The following HMGN4 variants were observed in gnomAD, a reference collection of about 807,000 sequenced individuals.
HMGN4 encodes the protein high mobility group nucleosome-binding domain-containing protein 4.
For missense variants in HMGN4, 69 were observed against 104.9 expected (o/e 0.66, Z 1.49); for synonymous variants, 39 against 39.1 (o/e 1.00, Z 0.01).
chr6:26,543,507 C>T (rs756937348), intron 1 of HMGN4, among the ~76,000 whole-genome samples: 4 of 136,892 alleles, frequency 2.9e-5, no homozygotes, highest in African/African-American at 5.5e-5. Context: ...CTGCAACCTC[C>T]GCCTCCCAGG....
rs909082137 is a variant in HMGN4, at chr6:26,546,319, T to G, written c.*840T>G. ...CTGCCTTGTGGAAATTTTATAGTTT[T>G]GCCTTTCACATTTGTCTTTAGTCTG... On this transcript the variant is annotated 3_prime_UTR_variant, in exon 2 of 2. Coordinates refer to ENST00000377575, the MANE Select transcript of HMGN4 (RefSeq NM_006353.3). 3.0e-5 allele frequency: 5 copies of G among 167,114 alleles called. No homozygotes were observed. The highest frequency in any genetic ancestry group is 2.6e-4 in the Admixed American group (4 of 15,292). The allele number at this position is 167,114 out of a possible 1,614,324, so 10.4% of individuals were successfully genotyped here.
chr6:26,542,247 A>C lies in HMGN4; in HGVS notation c.-80-2880A>C, dbSNP rs190742154. On this transcript the variant is annotated intron_variant, in intron 1 of 1. Transcript: ENST00000377575. This position sits in a 1 kb window ranked among gnomAD's most constrained non-coding sequence, Gnocchi z 4.6. ...TCAGAGCAATTTTTGGTTTACAGAA[A>C]ATTGAGCAGAAGATACAGAGTTCCC... is the stretch of plus-strand genomic sequence containing the variant. Among the ~76,000 whole-genome samples the C allele has an allele frequency of 6.0e-4, 91 of 152,288 alleles. No homozygotes were observed. The highest frequency in any genetic ancestry group is 2.1e-3 in the African/African-American group (88 of 41,546).
chr6:26,544,674 G>GGC (rs574730577), intron 1 of HMGN4, among the ~76,000 whole-genome samples: 75 of 152,194 alleles, frequency 4.9e-4, no homozygotes, highest in South Asian at 8.3e-4. Flanking sequence ...TACACTAATT[G>GGC]GCACACACAC....
At chr6:26,543,723 T>C (rs1764315337) in intron 1 of HMGN4, among the ~76,000 whole-genome samples, 1 of 125,462 alleles carries the variant, frequency 8.0e-6, no homozygotes, top group Non-Finnish European at 1.6e-5. Context: ...ATCGCACCAC[T>C]GCACTCCAGC....
intron 1 of HMGN4, 46 bp from the exon 2 acceptor site, chr6:26,545,081 G>T: frequency 2.9e-6 from 2 of 699,814 alleles, no homozygotes. Flanking sequence ...GTTTACATTC[G>T]TCAGTCTTTC....
chr6:26,539,905 A>G (rs1764269057), intron 1 of HMGN4: 1 of 152,208 alleles, frequency 6.6e-6, no homozygotes, highest in African/African-American at 2.4e-5. Flanking sequence ...ACTCAGAAAT[A>G]TAAGCAAGTT....
intron 1 of HMGN4, among the ~76,000 whole-genome samples, chr6:26,544,734 T>C (rs1764328107): frequency 1.3e-5 from 2 of 152,244 alleles, no homozygotes; most frequent in Non-Finnish European, 2.9e-5. Context: ...GAGCCCTTGA[T>C]ATTGTCAGAC....
Position 26,546,862 on chromosome 6 carries a change from A to C in HMGN4, c.*1383A>C, listed in dbSNP as rs149082500. On this transcript the variant is annotated 3_prime_UTR_variant, in exon 2 of 2. Transcript: ENST00000377575. ...TCTTTACAATGTTGTCTTCCAATACATGAATATGGTACAGCTCTTCATTTA... is the reference window on the plus strand; with the variant it reads ...TCTTTACAATGTTGTCTTCCAATACCTGAATATGGTACAGCTCTTCATTTA... Among the ~76,000 whole-genome samples, 1 of 152,244 alleles carries C rather than the reference A, an allele frequency of 6.6e-6. No individual in the cohort carries two copies. The highest frequency in any genetic ancestry group is 6.5e-5 in the Admixed American group (1 of 15,286).
chr6:26,543,988 C>CA, intron 1 of HMGN4, among the ~76,000 whole-genome samples: 1 of 152,200 alleles, frequency 6.6e-6, no homozygotes, highest in Non-Finnish European at 1.5e-5. Context: ...TACTCAAACT[C>CA]AAACTATTTT....
rs563541583 is a variant in HMGN4, at chr6:26,542,650, G to T, written c.-80-2477G>T. ...CATCTCTCTGGTCCCTTTTCATTAT[G>T]TGTGTATCTGTCTCCCACATTTGTA... On this transcript the variant is annotated intron_variant, in intron 1 of 1. Coordinates refer to ENST00000377575, the MANE Select transcript of HMGN4 (RefSeq NM_006353.3). This position sits in a 1 kb window ranked among gnomAD's most constrained non-coding sequence, Gnocchi z 4.6. 6.6e-6 allele frequency among the ~76,000 whole-genome samples: 1 copy of T among 152,280 alleles called. No individual in the cohort carries two copies. Among genetic ancestry groups the T allele is most frequent in the South Asian group, 2.1e-4 (1 of 4,824 alleles).
intron 1 of HMGN4, among the ~76,000 whole-genome samples, chr6:26,544,204 C>T (rs900539810): frequency 6.6e-6 from 1 of 152,212 alleles, no homozygotes; most frequent in African/African-American, 2.4e-5. Flanking sequence ...CAACTACATC[C>T]CTTTCCCAAC....
rs569099440 is a variant in HMGN4 at position 26,540,884 on chromosome 6, G to A, written c.-81+2383G>A. 4.6e-5 allele frequency among the ~76,000 whole-genome samples: 7 copies of A among 152,314 alleles called. No individual in the cohort carries two copies. The East Asian group carries it at 1.4e-3, about 29-fold the overall frequency. The stretch of plus-strand genomic sequence containing the variant: ...GTGATCAAAAAGATGCTGCTAAAAT[G>A]TGCCTTGTGTTTGCTAGGGATGAGG... On this transcript the variant is annotated intron_variant, in intron 1 of 1. Transcript: ENST00000377575.
chr6:26,543,089 A>G (rs1182599892), intron 1 of HMGN4, among the ~76,000 whole-genome samples: 1 of 152,194 alleles, frequency 6.6e-6, no homozygotes, highest in Non-Finnish European at 1.5e-5. Flanking sequence ...TATGCAGAAT[A>G]TTTGGGGTAA....
intron 1 of HMGN4, among the ~76,000 whole-genome samples, chr6:26,538,910 C>T (rs1007844247): frequency 6.6e-6 from 1 of 152,178 alleles, no homozygotes; most frequent in African/African-American, 2.4e-5. Flanking sequence ...CCCAATTTAC[C>T]TTCGAGAAAC....
At position 26,542,870 on chromosome 6, in the gene HMGN4, A is replaced by C. The variant is rs1764304046; in HGVS notation, c.-80-2257A>C. The stretch of plus-strand genomic sequence containing the variant: ...GGCCCCCCTACTTCGGATGGACTTC[A>C]ATGGATCTAACTCGAAGAAGACTGA... On this transcript the variant is annotated intron_variant, in intron 1 of 1. Transcript: ENST00000377575. This position sits in a 1 kb window ranked among gnomAD's most constrained non-coding sequence, Gnocchi z 4.6. Among the ~76,000 whole-genome samples the C allele has an allele frequency of 6.6e-6, 1 of 152,182 alleles. No individual in the cohort carries two copies. Among genetic ancestry groups the C allele is most frequent in the African/African-American group, 2.4e-5 (1 of 41,442 alleles).
At chr6:26,541,855 A>T (rs1176789754) in intron 1 of HMGN4, among the ~76,000 whole-genome samples, 1 of 152,250 alleles carries the variant, frequency 6.6e-6, no homozygotes, top group African/African-American at 2.4e-5. Context: ...TGCAATGAAG[A>T]CGAGTGATTC....
chr6:26,539,237 T>C (rs1252541858), intron 1 of HMGN4, among the ~76,000 whole-genome samples: 2 of 152,238 alleles, frequency 1.3e-5, no homozygotes, highest in Non-Finnish European at 2.9e-5. Context: ...CAGATCATAT[T>C]GCTCCAGGTT....
intron 1 of HMGN4, among the ~76,000 whole-genome samples, chr6:26,540,368 T>C (rs1764274707): frequency 6.6e-6 from 1 of 151,224 alleles, no homozygotes; most frequent in East Asian, 1.9e-4. Context: ...CGGGTCTTGC[T>C]CTGTCACCCA....
chr6:26,540,228 C>A (rs866878245), intron 1 of HMGN4, among the ~76,000 whole-genome samples: 1 of 152,162 alleles, frequency 6.6e-6, no homozygotes, highest in Non-Finnish European at 1.5e-5. Flanking sequence ...ACTCATGCTG[C>A]GTCTCTAATA....
Sources: gnomAD v4.1 joint callset for allele counts (sites outside exome capture counted in the v4.1 genomes callset) on GRCh38, gnomAD v4.1.1 for gene constraint, Gnocchi (gnomAD v3.1) non-coding constraint, MANE v1.5 for transcripts, NCBI Gene and HGNC (gene_info 2026-07-23, HGNC 2026-07-21) for gene names.